The following PHF24 variants were observed in gnomAD, a reference collection of about 807,000 sequenced individuals.
PHF24 encodes Galpha inhibitory interacting protein.
PHF24 carries 25 observed loss-of-function variants against 42.6 expected under a neutral mutation model. That is an observed-to-expected ratio of 0.59 (90% CI 0.43 to 0.82). The LOEUF is 0.82. Among genes scored for constraint, PHF24 ranks in the 40% least tolerant of loss-of-function variants. The pLI is 0.00. For missense variants in PHF24, 470 were observed against 538.1 expected, an observed-to-expected ratio of 0.87 and a Z score of 1.25; for synonymous variants, 185 against 204.8, an observed-to-expected ratio of 0.90 and a Z score of 0.83.
the PHF24 span, chr9:34,725,761 T>G: frequency 1.9e-6 from 3 of 1,548,722 alleles, no homozygotes; most frequent in South Asian, 1.2e-5. Flanking sequence ...TTGGGGAAAG[T>G]GGGGAAGAGG....
chr9:34,946,639 A>G, the PHF24 span, among the ~76,000 whole-genome samples: 1 of 152,224 alleles, frequency 6.6e-6, no homozygotes, highest in East Asian at 1.9e-4. Flanking sequence ...AAATGCTGAC[A>G]TAATTTTTAT....
chr9:34,900,843 TC>T, the PHF24 span, among the ~76,000 whole-genome samples: 1 of 152,118 alleles, frequency 6.6e-6, no homozygotes, highest in African/African-American at 2.4e-5. Flanking sequence ...CTGCCCTTCT[TC>T]CATGTGAGGA....
chr9:34,781,020 C>T, the PHF24 span, among the ~76,000 whole-genome samples: 44 of 152,264 alleles, frequency 2.9e-4, no homozygotes, highest in South Asian at 1.9e-3. Flanking sequence ...AGAACCTTTG[C>T]GCATTGCCAG....
At chr9:34,963,148 C>T (rs1403124163) in intron 1 of PHF24, among the ~76,000 whole-genome samples, 1 of 151,990 alleles carries the variant, frequency 6.6e-6, no homozygotes, top group Non-Finnish European at 1.5e-5. Flanking sequence ...TCCAAGAGCA[C>T]TGTAGTGAGG....
the PHF24 span, among the ~76,000 whole-genome samples, chr9:34,720,485 A>G: frequency 2.0e-5 from 3 of 151,030 alleles, no homozygotes; most frequent in Non-Finnish European, 4.4e-5. Context: ...AAAACATGTC[A>G]TAAAGAAGTC....
the PHF24 span, among the ~76,000 whole-genome samples, chr9:34,811,980 A>G: frequency 6.6e-6 from 1 of 152,218 alleles, no homozygotes; most frequent in South Asian, 2.1e-4. Flanking sequence ...TGGGAAAATG[A>G]TGTGAATAGA....
chr9:34,936,541 T>G, the PHF24 span, among the ~76,000 whole-genome samples: 3 of 148,790 alleles, frequency 2.0e-5, no homozygotes, highest in East Asian at 6.2e-4. Flanking sequence ...TCGTCTGGGA[T>G]GTGAGGAGCC....
the PHF24 span, among the ~76,000 whole-genome samples, chr9:34,779,900 A>G: frequency 6.6e-6 from 1 of 152,046 alleles, no homozygotes; most frequent in Non-Finnish European, 1.5e-5. Flanking sequence ...TAATTTTTGT[A>G]TTTTTAGTAG....
chr9:34,831,548 C>G, the PHF24 span, among the ~76,000 whole-genome samples: 4 of 152,164 alleles, frequency 2.6e-5, no homozygotes, highest in African/African-American at 9.7e-5. Flanking sequence ...GAACTAAGCT[C>G]AGTGATCCCT....
the PHF24 span, among the ~76,000 whole-genome samples, chr9:34,742,036 A>ACT: frequency 6.6e-6 from 1 of 152,226 alleles, no homozygotes; most frequent in East Asian, 1.9e-4. Context: ...GCCAGTGAGT[A>ACT]CTGAACCTTT....
the PHF24 span, among the ~76,000 whole-genome samples, chr9:34,871,843 C>T: frequency 9.5e-4 from 145 of 152,280 alleles, no homozygotes; most frequent in African/African-American, 3.3e-3. Flanking sequence ...CAACCTTGGT[C>T]TTCTCCTTCC....
the PHF24 span, among the ~76,000 whole-genome samples, chr9:34,859,254 C>G: frequency 7.2e-5 from 11 of 152,138 alleles, no homozygotes; most frequent in Admixed American, 3.3e-4. Context: ...TACTTCTCTC[C>G]ACCTGAAGTC....
At chr9:34,879,302 T>C in the PHF24 span, among the ~76,000 whole-genome samples, 1 of 152,054 alleles carries the variant, frequency 6.6e-6, no homozygotes, top group Non-Finnish European at 1.5e-5. Flanking sequence ...GAGCACCCCT[T>C]CTCCTCCAAA....
chr9:34,695,908 T>G, the PHF24 span, among the ~76,000 whole-genome samples: 1 of 151,988 alleles, frequency 6.6e-6, no homozygotes, highest in East Asian at 1.9e-4. Context: ...GATTCTAGGA[T>G]TGGCTTGCCC....
At chr9:34,842,208 T>A in the PHF24 span, among the ~76,000 whole-genome samples, 5 of 152,250 alleles carry the variant, frequency 3.3e-5, no homozygotes, top group South Asian at 1.0e-3. Context: ...TGTATGCATA[T>A]ATAACAATTT....
At chr9:34,805,823 C>T in the PHF24 span, among the ~76,000 whole-genome samples, 2 of 152,152 alleles carry the variant, frequency 1.3e-5, no homozygotes, top group African/African-American at 4.8e-5. Context: ...ATGTTGTCTT[C>T]TAAGAGTTTT....
the PHF24 span, among the ~76,000 whole-genome samples, chr9:34,806,678 T>G: frequency 6.6e-6 from 1 of 152,144 alleles, no homozygotes; most frequent in Non-Finnish European, 1.5e-5. Context: ...AGGTTGGTCT[T>G]GAACTACTGA....
At chr9:34,715,750 G>C in the PHF24 span, among the ~76,000 whole-genome samples, 15 of 152,310 alleles carry the variant, frequency 9.8e-5, no homozygotes, top group African/African-American at 3.4e-4. Context: ...GATCCTGGGA[G>C]GGGGAGAGGA....
the PHF24 span, among the ~76,000 whole-genome samples, chr9:34,686,482 T>C: frequency 2.6e-5 from 4 of 152,296 alleles, no homozygotes; most frequent in East Asian, 3.9e-4. Flanking sequence ...CATATGTGTA[T>C]TGGGGCTTAT....
Sources: allele counts gnomAD v4.1 joint callset (sites outside exome capture counted in the v4.1 genomes callset), GRCh38; gene constraint gnomAD v4.1.1; transcripts MANE v1.5; gene names NCBI Gene and HGNC (gene_info 2026-07-23, HGNC 2026-07-21).